ANK2: variants seen among roughly 807,000 people sequenced by gnomAD.
ANK2 encodes ankyrin-2.
ANK2 carries 83 observed loss-of-function variants against 360.5 expected under a neutral mutation model. That is an observed-to-expected ratio of 0.23 (90% CI 0.19 to 0.28). ANK2 has a LOEUF of 0.28. Ranked by LOEUF, ANK2 falls within the 10% of genes least tolerant of loss-of-function variation. ANK2 has a pLI of 1.00. For missense variants in ANK2, 4,201 were observed against 4,795.7 expected, an observed-to-expected ratio of 0.88 and a Z score of 3.66; for synonymous variants, 1,740 against 1,759.5, an observed-to-expected ratio of 0.99 and a Z score of 0.28.
At chr4:113,221,387 C>T (rs917640909) in intron 4 of ANK2, among the ~76,000 whole-genome samples, 6 of 152,068 alleles carry the variant, frequency 3.9e-5, no homozygotes, top group Non-Finnish European at 8.8e-5. Flanking sequence ...GGGCTGGGCG[C>T]GGTGGCTCAC....
chr4:113,332,206 T>G, intron 28 of ANK2, 136 bp downstream of exon 28: 1 of 805,654 alleles, frequency 1.2e-6, no homozygotes, highest in African/African-American at 1.7e-5. Context: ...TAACCTATCT[T>G]TAGTGGACCA....
intron 42 of ANK2, among the ~76,000 whole-genome samples, chr4:113,368,453 G>T (rs1589240721): frequency 6.6e-6 from 1 of 152,220 alleles, no homozygotes; most frequent in Non-Finnish European, 1.5e-5. Context: ...ATAGAGTTGG[G>T]GTGGGAGTAA....
intron 30 of ANK2, chr4:113,336,366 A>G (rs2093531968): frequency 5.1e-6 from 3 of 592,778 alleles, no homozygotes; most frequent in Admixed American, 3.3e-5. Flanking sequence ...CTAGTAAGCA[A>G]GAGCTGCCAT....
At chr4:113,176,778 C>T (rs1208579317) in intron 2 of ANK2, among the ~76,000 whole-genome samples, 1 of 152,098 alleles carries the variant, frequency 6.6e-6, no homozygotes, top group African/African-American at 2.4e-5. Context: ...ATCCCTCGCT[C>T]CTCCCCCCAC....
chr4:112,931,892 C>A (rs2093278426), intron 2 of ANK2, among the ~76,000 whole-genome samples: 1 of 152,060 alleles, frequency 6.6e-6, no homozygotes, highest in South Asian at 2.1e-4. Context: ...ACAATAAAAC[C>A]TTATCATGAC....
At chr4:112,874,681 A>G (rs2074440186) in intron 1 of ANK2, among the ~76,000 whole-genome samples, 1 of 151,128 alleles carries the variant, frequency 6.6e-6, no homozygotes, top group South Asian at 2.1e-4. Context: ...AATAGCTCCT[A>G]ACACCAAAAT....
At chr4:112,731,503 C>G in the ANK2 span, among the ~76,000 whole-genome samples, 3 of 152,058 alleles carry the variant, frequency 2.0e-5, no homozygotes, top group East Asian at 3.9e-4. Context: ...GTGGGTAGAT[C>G]TAGATCACTT....
chr4:113,199,851 C>T (rs1305391792), intron 4 of ANK2, among the ~76,000 whole-genome samples: 1 of 152,114 alleles, frequency 6.6e-6, no homozygotes, highest in African/African-American at 2.4e-5. Context: ...GCAAAATAAG[C>T]CAGCTCTGTT....
At chr4:113,281,728 C>T (rs892425211) in intron 17 of ANK2, among the ~76,000 whole-genome samples, 1 of 152,134 alleles carries the variant, frequency 6.6e-6, no homozygotes, top group Middle Eastern at 3.2e-3. Flanking sequence ...TGCAGACTTA[C>T]AGTTGTTCCA....
intron 1 of ANK2, among the ~76,000 whole-genome samples, chr4:113,119,203 T>C (rs2095147029): frequency 6.6e-6 from 1 of 152,018 alleles, no homozygotes; most frequent in Non-Finnish European, 1.5e-5. Context: ...AGAACCAGAG[T>C]AAATTAGGAA....
At chr4:112,976,282 C>T (rs1290761566) in intron 2 of ANK2, among the ~76,000 whole-genome samples, 1 of 151,944 alleles carries the variant, frequency 6.6e-6, no homozygotes, top group Non-Finnish European at 1.5e-5. Flanking sequence ...CAACCTCCAT[C>T]TCCCAGGTTC....
At chr4:112,949,974 G>T (rs1006383630) in intron 2 of ANK2, among the ~76,000 whole-genome samples, 1 of 152,170 alleles carries the variant, frequency 6.6e-6, no homozygotes, top group East Asian at 1.9e-4. Flanking sequence ...ACTCAAAAGA[G>T]AAGAAATGCA....
At position 113,292,981 on chromosome 4, in the gene ANK2, AT is replaced by A. The variant is rs370428451; in HGVS notation, c.2377-455del. 72 of 352,340 alleles carry A rather than the reference AT, an allele frequency of 2.0e-4. 2 individuals carry two copies. In the East Asian group the frequency reaches 4.2e-3, roughly 20 times the overall value. The allele number at this position is 352,340 out of a possible 1,614,324, so 21.8% of individuals were successfully genotyped here. A position where few individuals can be genotyped will look rare whatever the true frequency, so the allele number is the denominator to read the frequency against. ...GCAGCCCGAATTGCTTGCCTGTGTT[AT>A]TTTGCTGCACAGTGAGCTTCTGCAC... is the stretch of plus-strand genomic sequence containing the variant. On this transcript the variant is annotated intron_variant, in intron 21 of 45. Transcript: ENST00000357077.
At position 113,190,721 on chromosome 4, in the gene ANK2, A is replaced by T. The variant is rs146559385; in HGVS notation, c.187-5647A>T. ...CTGAGCCAGAATCACCAGGTAGTTG[A>T]TAACTCAGAATGTTCAGTTCAGGAT... On this transcript the variant is annotated intron_variant, in intron 2 of 45. Transcript: ENST00000357077. Among the ~76,000 whole-genome samples, 250 of 152,308 alleles carry T rather than the reference A, an allele frequency of 1.6e-3. 1 individual carries two copies. Among genetic ancestry groups the T allele is most frequent in the Middle Eastern group, 6.8e-3 (2 of 294 alleles).
intron 1 of ANK2, among the ~76,000 whole-genome samples, chr4:113,168,348 A>C (rs925650720): frequency 1.3e-5 from 2 of 152,242 alleles, no homozygotes; most frequent in African/African-American, 4.8e-5. Context: ...TTCAAAAGTA[A>C]AAATATAAAC....
chr4:113,225,633 A>G (rs998959858), intron 4 of ANK2, among the ~76,000 whole-genome samples: 2 of 152,164 alleles, frequency 1.3e-5, no homozygotes, highest in Non-Finnish European at 2.9e-5. Context: ...TTGGTGTTAA[A>G]CCATTCATTA....
chr4:113,145,611 G>A (rs2096799205), intron 1 of ANK2: 1 of 1,089,828 alleles, frequency 9.2e-7, no homozygotes, highest in South Asian at 2.7e-5. Context: ...CCTGGTAGGT[G>A]TAAAAATAGA....
At chr4:112,988,086 G>A (rs2045552922) in intron 2 of ANK2, among the ~76,000 whole-genome samples, 1 of 152,176 alleles carries the variant, frequency 6.6e-6, no homozygotes, top group East Asian at 1.9e-4. Flanking sequence ...GGAGTCAGTG[G>A]TTTACACCAG....
intron 1 of ANK2, among the ~76,000 whole-genome samples, chr4:113,068,992 G>T (rs1461024256): frequency 6.6e-6 from 1 of 152,134 alleles, no homozygotes; most frequent in Non-Finnish European, 1.5e-5. Context: ...GAGCCTGGGA[G>T]GTTGAGGCTG....
Sources: allele counts gnomAD v4.1 joint callset (sites outside exome capture counted in the v4.1 genomes callset), GRCh38; gene constraint gnomAD v4.1.1; transcripts MANE v1.5; gene names NCBI Gene and HGNC (gene_info 2026-07-23, HGNC 2026-07-21).